Variants in EYS observed in about 807,000 individuals in gnomAD.
EYS encodes the protein protein eyes shut homolog.
A neutral mutation model predicts 282.1 loss-of-function variants in EYS; 250 were observed. The ratio of observed to expected loss-of-function variants is 0.89; its 90% CI spans 0.80 to 0.98. EYS has a LOEUF of 0.98. Ranked by LOEUF, EYS falls within the 50% of genes least tolerant of loss-of-function variation. The probability of loss-of-function intolerance (pLI) is 0.00; values close to 1 mark genes in which losing one functional copy is unlikely to be tolerated. For missense variants in EYS, 4,016 were observed against 3,709.0 expected (o/e 1.08, Z -2.15); for synonymous variants, 1,355 against 1,282.9 (o/e 1.06, Z -1.20).
intron 28 of EYS, among the ~76,000 whole-genome samples, chr6:64,390,315 G>C (rs1218968826): frequency 6.6e-6 from 1 of 152,146 alleles, no homozygotes; most frequent in South Asian, 2.1e-4. Flanking sequence ...TCCACCTCTG[G>C]GGGCAGGGCA....
chr6:64,829,653 G>C (rs899547758), intron 19 of EYS, among the ~76,000 whole-genome samples: 1 of 151,920 alleles, frequency 6.6e-6, no homozygotes, highest in Non-Finnish European at 1.5e-5. Context: ...GTGTAACTGA[G>C]GTGCCAGTTC....
At chr6:64,836,298 A>T (rs576346783) in intron 19 of EYS, among the ~76,000 whole-genome samples, 1 of 149,854 alleles carries the variant, frequency 6.7e-6, no homozygotes, top group Non-Finnish European at 1.5e-5. Context: ...GATTTATTTT[A>T]TATATATATA....
At chr6:63,970,352 T>C (rs1766504518) in intron 35 of EYS, among the ~76,000 whole-genome samples, 1 of 152,120 alleles carries the variant, frequency 6.6e-6, no homozygotes. Context: ...ATCTGTGGGA[T>C]GGGTCTGGCC....
At chr6:65,234,762 A>G (rs1375480750) in intron 12 of EYS, among the ~76,000 whole-genome samples, 2 of 152,224 alleles carry the variant, frequency 1.3e-5, no homozygotes, top group East Asian at 3.8e-4. Context: ...AAGTGTTTGT[A>G]TAATATGGAG....
intron 26 of EYS, among the ~76,000 whole-genome samples, chr6:64,511,317 T>C (rs765066774): frequency 8.6e-5 from 13 of 150,410 alleles, no homozygotes; most frequent in Non-Finnish European, 1.8e-4. Context: ...ATAAGTTGAA[T>C]ATATGATCCA....
intron 12 of EYS, among the ~76,000 whole-genome samples, chr6:65,097,372 T>C (rs1561964288): frequency 6.8e-6 from 1 of 148,024 alleles, no homozygotes; most frequent in Admixed American, 6.8e-5. Context: ...GTAGTGAAAT[T>C]GGAATCTTCA....
chr6:64,186,139 C>T (rs1234693172), intron 31 of EYS, among the ~76,000 whole-genome samples: 2 of 151,992 alleles, frequency 1.3e-5, no homozygotes, highest in African/African-American at 4.8e-5. Flanking sequence ...TCAGGTCCCA[C>T]CAAAGGCTGT....
chr6:65,505,788 T>C (rs1766632161), intron 2 of EYS, among the ~76,000 whole-genome samples: 1 of 152,164 alleles, frequency 6.6e-6, no homozygotes, highest in South Asian at 2.1e-4. Context: ...CTTCATGTGC[T>C]CAGGTGTGTT....
chr6:64,197,358 T>G (rs528678382), intron 31 of EYS, among the ~76,000 whole-genome samples: 9 of 152,200 alleles, frequency 5.9e-5, no homozygotes, highest in Non-Finnish European at 1.0e-4. Flanking sequence ...GGTAAATCTA[T>G]TTGGTTCTCC....
At chr6:65,180,486 A>T (rs1297584753) in intron 12 of EYS, among the ~76,000 whole-genome samples, 1 of 152,138 alleles carries the variant, frequency 6.6e-6, no homozygotes, top group Non-Finnish European at 1.5e-5. Context: ...ATACCTAGGA[A>T]TCCAACTTAC....
chr6:64,367,860 G>A (rs77681174), intron 29 of EYS, among the ~76,000 whole-genome samples: 2 of 152,056 alleles, frequency 1.3e-5, no homozygotes, highest in African/African-American at 4.8e-5. Context: ...ATCTGGGTTT[G>A]TCCTGTGCAA....
At chr6:64,182,712 C>T (rs910552226) in intron 31 of EYS, among the ~76,000 whole-genome samples, 3 of 152,248 alleles carry the variant, frequency 2.0e-5, no homozygotes, top group Non-Finnish European at 2.9e-5. Flanking sequence ...TTGCTGTCTA[C>T]CTCTTCAGCT....
intron 12 of EYS, among the ~76,000 whole-genome samples, chr6:65,221,013 A>C (rs62407250): frequency 6.6e-6 from 1 of 152,076 alleles, no homozygotes; most frequent in East Asian, 1.9e-4. Flanking sequence ...GAAACTTCTA[A>C]GCAGCAAAGT....
intron 12 of EYS, among the ~76,000 whole-genome samples, chr6:65,271,983 C>T (rs1478745345): frequency 6.6e-6 from 1 of 152,128 alleles, no homozygotes; most frequent in East Asian, 1.9e-4. Flanking sequence ...ATTCTTAGTC[C>T]TATGTCTACA....
chr6:64,338,013 A>T (rs1770921955), intron 29 of EYS, among the ~76,000 whole-genome samples: 1 of 152,080 alleles, frequency 6.6e-6, no homozygotes, highest in African/African-American at 2.4e-5. Flanking sequence ...ACAAACCCAC[A>T]GTCAACATAA....
chr6:63,832,006 C>A (rs896103567), intron 36 of EYS, among the ~76,000 whole-genome samples: 3 of 152,142 alleles, frequency 2.0e-5, no homozygotes, highest in African/African-American at 7.2e-5. Flanking sequence ...TAAAGATGTT[C>A]TTTGAAACCA....
Position 65,459,968 on chromosome 6 carries a change from TTATATATATATATATATA to T in EYS, c.862+30608_862+30625del, listed in dbSNP as rs34762215. Among the ~76,000 whole-genome samples, 206 of 80,664 alleles carry T rather than the reference TTATATATATATATATATA, an allele frequency of 2.6e-3. 1 individual carries two copies. The highest frequency in any genetic ancestry group is 7.1e-3 in the African/African-American group (181 of 25,514). 52.9% of individuals were successfully genotyped at this position (80,664 alleles called of 152,430 possible). On this transcript the variant is annotated intron_variant, in intron 5 of 42. Transcript: ENST00000503581. Reference sequence around the variant, plus strand: ...GTGTGTGTGTGTGTGTTTGTGTATTTTATATATATATATATATATATATATATATATATATATATAATT... The same window carrying T: ...GTGTGTGTGTGTGTGTTTGTGTATTTTATATATATATATATATATATAATT...
chr6:64,033,352 T>C (rs185280905), intron 33 of EYS, among the ~76,000 whole-genome samples: 2 of 152,304 alleles, frequency 1.3e-5, no homozygotes, highest in African/African-American at 4.8e-5. Context: ...TGTGGTTTTC[T>C]GGTAAATTCT....
At chr6:65,139,357 T>G (rs1329169730) in intron 12 of EYS, among the ~76,000 whole-genome samples, 1 of 152,020 alleles carries the variant, frequency 6.6e-6, no homozygotes, top group East Asian at 1.9e-4. Flanking sequence ...CCATCTGTTA[T>G]TGCTTGTAAG....
Sources: allele counts gnomAD v4.1 joint callset (sites outside exome capture counted in the v4.1 genomes callset), GRCh38; gene constraint gnomAD v4.1.1; transcripts MANE v1.5; gene names NCBI Gene and HGNC (gene_info 2026-07-23, HGNC 2026-07-21).